Variants in CTNNAL1 observed in about 807,000 individuals in gnomAD.
CTNNAL1 encodes the protein catenin alpha like 1.
A neutral mutation model predicts 93.6 loss-of-function variants in CTNNAL1; 69 were observed. That is an observed-to-expected ratio of 0.74 (90% CI 0.61 to 0.90). The LOEUF (loss-of-function observed/expected upper bound fraction) is 0.90. Ranked by LOEUF, CTNNAL1 falls within the 40% of genes least tolerant of loss-of-function variation. The probability of loss-of-function intolerance (pLI) is 0.00; values close to 1 mark genes in which losing one functional copy is unlikely to be tolerated. For missense variants in CTNNAL1, 836 were observed against 862.0 expected (o/e 0.97, Z 0.38); for synonymous variants, 286 against 305.4 (o/e 0.94, Z 0.66).
At chr9:109,006,281 G>A (rs767805632) in intron 1 of CTNNAL1, among the ~76,000 whole-genome samples, 2 of 152,142 alleles carry the variant, frequency 1.3e-5, no homozygotes, top group Non-Finnish European at 2.9e-5. Flanking sequence ...AACAGTACCA[G>A]GCACTAGCCT....
intron 10 of CTNNAL1, among the ~76,000 whole-genome samples, chr9:108,968,997 T>C (rs1831034161): frequency 6.6e-6 from 1 of 152,052 alleles, no homozygotes; most frequent in Admixed American, 6.5e-5. Flanking sequence ...AACAGCTGGG[T>C]GCAGTGGCTC....
At chr9:108,978,847 A>T (rs1293909949) in intron 7 of CTNNAL1, among the ~76,000 whole-genome samples, 1 of 152,190 alleles carries the variant, frequency 6.6e-6, no homozygotes, top group East Asian at 1.9e-4. Context: ...TGTCTCTGTA[A>T]ATCAGCTGTC....
At chr9:108,967,520 C>T (rs532155933) in intron 10 of CTNNAL1, among the ~76,000 whole-genome samples, 5 of 152,130 alleles carry the variant, frequency 3.3e-5, no homozygotes, top group African/African-American at 1.2e-4. Flanking sequence ...ATGGGACTCA[C>T]ATTATAACAA....
intron 11 of CTNNAL1, among the ~76,000 whole-genome samples, chr9:108,956,665 C>T (rs1444548556): frequency 6.6e-6 from 1 of 152,144 alleles, no homozygotes; most frequent in East Asian, 1.9e-4. Flanking sequence ...TAAAAGTAAA[C>T]ATAATATAAG....
chr9:108,998,036 C>T (rs1232809588), intron 2 of CTNNAL1, among the ~76,000 whole-genome samples: 1 of 152,220 alleles, frequency 6.6e-6, no homozygotes, highest in Non-Finnish European at 1.5e-5. Flanking sequence ...AAAATTCCCC[C>T]AAGTATCCAC....
In CTNNAL1 at chr9:108,983,191, G is replaced by C. The variant is rs757062428; in HGVS notation, c.854C>G (p.Thr285Ser). The C allele has an allele frequency of 9.5e-6, 15 of 1,572,518 alleles. No individual in the cohort carries two copies. Among genetic ancestry groups the C allele is most frequent in the Admixed American group, 1.8e-5 (1 of 55,756 alleles). The change falls in exon 6 of 19, where the codon ACT becomes AGT. Residue 285 changes from threonine (T) to serine (S), a missense_variant. Transcript: ENST00000325551. ...AAAAATACTGATAGATGAAATGTCA[G>C]TCTCTCCATTCGGTTTACAGTCAGT... The part of the protein sequence containing the change: ...IVTDCKPNGE[T>S]DISSISIFTG...
chr9:108,992,150 C>A, intron 3 of CTNNAL1: 1 of 676,972 alleles, frequency 1.5e-6, no homozygotes, highest in South Asian at 1.6e-5. Flanking sequence ...TCATAGTGCT[C>A]ACCTTTTCTT....
intron 10 of CTNNAL1, among the ~76,000 whole-genome samples, chr9:108,968,066 A>C (rs1461889569): frequency 6.6e-6 from 1 of 152,212 alleles, no homozygotes; most frequent in Admixed American, 6.5e-5. Context: ...TATAAGAACA[A>C]GGTTCCCCTC....
intron 6 of CTNNAL1, among the ~76,000 whole-genome samples, chr9:108,982,408 A>T (rs1377810378): frequency 6.6e-6 from 1 of 152,224 alleles, no homozygotes; most frequent in Non-Finnish European, 1.5e-5. Flanking sequence ...ATTATTACTA[A>T]TACTATTACT....
intron 14 of CTNNAL1, chr9:108,950,424 G>A (rs1830526781): frequency 2.1e-6 from 3 of 1,430,294 alleles, no homozygotes; most frequent in Non-Finnish European, 9.4e-7. Context: ...TCCAATGATG[G>A]AAAATATGAT....
At chr9:108,983,933 A>G (rs548896916) in intron 5 of CTNNAL1, among the ~76,000 whole-genome samples, 45 of 152,258 alleles carry the variant, frequency 3.0e-4, no homozygotes, top group Admixed American at 9.2e-4. Context: ...AAAAGTGGAA[A>G]CAGGAATTAA....
intron 1 of CTNNAL1, among the ~76,000 whole-genome samples, chr9:109,010,754 G>A: frequency 6.6e-6 from 1 of 152,196 alleles, no homozygotes; most frequent in East Asian, 1.9e-4. Flanking sequence ...TTCACTTGGA[G>A]AGTCAGAAGA....
At chr9:108,950,833 T>C in intron 14 of CTNNAL1, 1 of 452,760 alleles carries the variant, frequency 2.2e-6, no homozygotes, top group Non-Finnish European at 3.8e-6. Flanking sequence ...TGTGTCCCTA[T>C]GAGGTAAGAC....
At chr9:108,984,507 A>AAATACTTT in intron 4 of CTNNAL1, 71 bp from the exon 5 acceptor site, 1 of 782,720 alleles carries the variant, frequency 1.3e-6, no homozygotes, top group Non-Finnish European at 2.2e-6. Flanking sequence ...AAAAGTATTT[A>AAATACTTT]TTCAACACTA....
chr9:108,988,071 T>C (rs1831671544), intron 4 of CTNNAL1, among the ~76,000 whole-genome samples: 1 of 152,196 alleles, frequency 6.6e-6, no homozygotes, highest in African/African-American at 2.4e-5. Flanking sequence ...CTATGTTGAA[T>C]AGGAGTCACC....
intron 4 of CTNNAL1, 66 bp downstream of exon 4, chr9:108,990,660 C>A: frequency 6.5e-7 from 1 of 1,535,228 alleles, no homozygotes; most frequent in East Asian, 2.3e-5. Context: ...TCCTAACGAT[C>A]ATACCTCCAT....
intron 15 of CTNNAL1, among the ~76,000 whole-genome samples, chr9:108,945,905 G>T (rs1014089898): frequency 1.3e-5 from 2 of 152,044 alleles, no homozygotes; most frequent in African/African-American, 4.8e-5. Flanking sequence ...CAAAATGCTC[G>T]ATTTCCACCC....
chr9:108,986,262 G>A (rs555931719), intron 4 of CTNNAL1, among the ~76,000 whole-genome samples: 61 of 150,004 alleles, frequency 4.1e-4, no homozygotes, highest in Middle Eastern at 3.4e-3. Context: ...CCATCTATGA[G>A]TGAGAACATG....
chr9:109,010,428 G>T (rs1459832047), intron 1 of CTNNAL1, among the ~76,000 whole-genome samples: 2 of 152,120 alleles, frequency 1.3e-5, no homozygotes, highest in African/African-American at 4.8e-5. Flanking sequence ...GTGCAGTGCT[G>T]AGTAGAAGCA....
Sources: allele counts gnomAD v4.1 joint callset (sites outside exome capture counted in the v4.1 genomes callset), GRCh38; gene constraint gnomAD v4.1.1; transcripts MANE v1.5; gene names NCBI Gene and HGNC (gene_info 2026-07-23, HGNC 2026-07-21).